Variants in IL1RAPL1 observed in about 807,000 individuals in gnomAD.
IL1RAPL1 encodes the protein interleukin 1 receptor accessory protein like 1.
In IL1RAPL1, 3 loss-of-function variants were observed where a neutral mutation model predicts 48.4. The observed-to-expected ratio is 0.06, with a 90% CI of 0.03 to 0.16. The LOEUF (loss-of-function observed/expected upper bound fraction) is 0.16. Among genes scored for constraint, IL1RAPL1 ranks in the 10% least tolerant of loss-of-function variants. IL1RAPL1 has a pLI of 1.00. For missense variants in IL1RAPL1, 349 were observed against 530.6 expected (o/e 0.66, Z 3.36); for synonymous variants, 185 against 187.7 (o/e 0.99, Z 0.12).
intron 3 of IL1RAPL1, among the ~76,000 whole-genome samples, chrX:29,297,611 C>T (rs1170021737): frequency 8.9e-6 from 1 of 111,957 alleles, no homozygotes; most frequent in Admixed American, 9.5e-5. Context: ...TTTTAGATTT[C>T]ACTGTAGGGG....
intron 1 of IL1RAPL1, among the ~76,000 whole-genome samples, chrX:28,781,264 T>C (rs1392967772): frequency 1.8e-5 from 2 of 110,079 alleles, no homozygotes; most frequent in South Asian, 3.9e-4. Flanking sequence ...CAAGCTCTTA[T>C]GGTTTTTTGC....
chrX:28,929,915 T>C (rs1601963036), intron 2 of IL1RAPL1, among the ~76,000 whole-genome samples: 1 of 112,392 alleles, frequency 8.9e-6, no homozygotes, highest in Middle Eastern at 4.6e-3. Flanking sequence ...TCATTTATTT[T>C]ATTCACCTGA....
In IL1RAPL1 at chrX:29,399,173, T is replaced by C. The variant is rs1933956723; in HGVS notation, c.568T>C (p.Trp190Arg). 1 of 1,204,027 alleles carries C rather than the reference T, an allele frequency of 8.3e-7. No individual in the cohort carries two copies. Among genetic ancestry groups the C allele is most frequent in the Non-Finnish European group, 1.1e-6 (1 of 889,819 alleles). The change falls in exon 5 of 11, where the codon TGG (tryptophan) becomes CGG (arginine). Residue 190 changes from tryptophan (W) to arginine (R), a missense_variant. Transcript: ENST00000378993. ...CATATAGGAATGCAGGACAAAAACA[T>C]GGAGGCCAAGTATTGTATTCAAAAG... ...LWYKECRTKT[W>R]RPSIVFKRDT...
chrX:29,297,652 A>T (rs941072739), intron 3 of IL1RAPL1, among the ~76,000 whole-genome samples: 16 of 112,027 alleles, frequency 1.4e-4, no homozygotes, highest in African/African-American at 5.2e-4. Context: ...ACAATGGAGG[A>T]AGTCCAAAGA....
intron 8 of IL1RAPL1, among the ~76,000 whole-genome samples, chrX:29,941,279 T>A (rs1285367033): frequency 9.0e-6 from 1 of 111,311 alleles, no homozygotes; most frequent in African/African-American, 3.3e-5. Context: ...TAAGCATAGC[T>A]TCCGGGATCT....
chrX:29,664,959 A>G (rs190399581), intron 5 of IL1RAPL1, among the ~76,000 whole-genome samples: 11 of 112,450 alleles, frequency 9.8e-5, no homozygotes, highest in Non-Finnish European at 1.1e-4. Flanking sequence ...TAACTCTGTA[A>G]GAGAGGTCTG....
chrX:29,593,200 C>T (rs1923437831), intron 5 of IL1RAPL1, among the ~76,000 whole-genome samples: 1 of 111,274 alleles, frequency 9.0e-6, no homozygotes, highest in South Asian at 3.8e-4. Flanking sequence ...TCATTCCTCC[C>T]TCCTCCTCCA....
At position 29,639,748 on chromosome X, in the gene IL1RAPL1, G is replaced by T. The variant is rs191968818; in HGVS notation, c.704-28682G>T. Among the ~76,000 whole-genome samples the T allele has an allele frequency of 8.1e-5, 9 of 110,463 alleles. No individual in the cohort carries two copies. The East Asian group carries it at 2.6e-3, about 31-fold the overall frequency. On this transcript the variant is annotated intron_variant, in intron 5 of 10. Transcript: ENST00000378993. ...GTCCACAATACCACAGGGACTGGCT[G>T]GTCAGTTACTTGCGCATGTTGTCAA...
intron 5 of IL1RAPL1, among the ~76,000 whole-genome samples, chrX:29,481,841 A>G (rs1935045102): frequency 1.8e-5 from 2 of 111,913 alleles, no homozygotes; most frequent in Admixed American, 9.5e-5. Context: ...GGTTGGTGCA[A>G]ATGTAATTGA....
chrX:28,659,220 A>G, intron 1 of IL1RAPL1: 1 of 745,296 alleles, frequency 1.3e-6, no homozygotes, highest in Non-Finnish European at 2.1e-6. Flanking sequence ...GCACTCTGGA[A>G]GCGCAGATCT....
chrX:29,742,611 G>A (rs1928234669), intron 6 of IL1RAPL1, among the ~76,000 whole-genome samples: 1 of 110,730 alleles, frequency 9.0e-6, no homozygotes, highest in Non-Finnish European at 1.9e-5. Context: ...CCAACCACCT[G>A]TGCAATACAA....
chrX:28,897,332 G>A (rs1292567393), intron 2 of IL1RAPL1, among the ~76,000 whole-genome samples: 1 of 111,773 alleles, frequency 8.9e-6, no homozygotes, highest in Non-Finnish European at 1.9e-5. Context: ...AATCAGGCAG[G>A]CGTCCCTGCG....
chrX:28,608,931 G>GT (rs917167553), intron 1 of IL1RAPL1, among the ~76,000 whole-genome samples: 8 of 111,609 alleles, frequency 7.2e-5, no homozygotes, highest in African/African-American at 1.9e-4. Context: ...TTCTATAAAT[G>GT]TTTTTTTTCT....
At chrX:29,019,434 A>G (rs1421239521) in intron 2 of IL1RAPL1, among the ~76,000 whole-genome samples, 1 of 111,456 alleles carries the variant, frequency 9.0e-6, no homozygotes, top group East Asian at 2.8e-4. Flanking sequence ...GAAAACTGTT[A>G]TTAAAAAAAG....
chrX:28,629,945 A>G (rs751376800), intron 1 of IL1RAPL1, among the ~76,000 whole-genome samples: 2 of 112,042 alleles, frequency 1.8e-5, no homozygotes, highest in East Asian at 5.6e-4. Flanking sequence ...TTTTAATATT[A>G]CAAATAAACT....
chrX:29,018,803 C>A (rs1446556891), intron 2 of IL1RAPL1, among the ~76,000 whole-genome samples: 1 of 111,917 alleles, frequency 8.9e-6, no homozygotes, highest in Non-Finnish European at 1.9e-5. Flanking sequence ...CAAACCACCA[C>A]ATTTTTTGCC....
At chrX:28,731,889 G>C (rs1199949132) in intron 1 of IL1RAPL1, among the ~76,000 whole-genome samples, 3 of 112,036 alleles carry the variant, frequency 2.7e-5, no homozygotes, top group Non-Finnish European at 5.6e-5. Flanking sequence ...GGCAGCATGA[G>C]ACCAGAGTGG....
chrX:28,780,320 A>AGTGTGT (rs200810098), intron 1 of IL1RAPL1, among the ~76,000 whole-genome samples: 50 of 82,575 alleles, frequency 6.1e-4, no homozygotes, highest in Non-Finnish European at 8.2e-4. Flanking sequence ...TTTCAATCAC[A>AGTGTGT]GTGTGTGTGT....
At chrX:28,970,769 G>A (rs1404602592) in intron 2 of IL1RAPL1, among the ~76,000 whole-genome samples, 1 of 111,332 alleles carries the variant, frequency 9.0e-6, no homozygotes, top group Admixed American at 9.6e-5. Flanking sequence ...GTTAGTACTT[G>A]GATGTGAGAC....
Sources: allele counts gnomAD v4.1 joint callset (sites outside exome capture counted in the v4.1 genomes callset), GRCh38; gene constraint gnomAD v4.1.1; transcripts MANE v1.5; gene names NCBI Gene and HGNC (gene_info 2026-07-23, HGNC 2026-07-21).